The following TENM3 variants were observed in gnomAD, a reference collection of about 807,000 sequenced individuals.
TENM3 encodes the protein teneurin-3.
Under a neutral mutation model 255.1 loss-of-function variants are expected in TENM3, and 63 were observed. The ratio of observed to expected loss-of-function variants is 0.25; its 90% CI spans 0.20 to 0.30. The LOEUF (loss-of-function observed/expected upper bound fraction) is 0.30. Ranked by LOEUF, TENM3 falls within the 10% of genes least tolerant of loss-of-function variation. TENM3 has a pLI of 1.00. For missense variants in TENM3, 2,929 were observed against 3,461.1 expected, an observed-to-expected ratio of 0.85 and a Z score of 3.86; for synonymous variants, 1,306 against 1,322.3, an observed-to-expected ratio of 0.99 and a Z score of 0.27.
intron 5 of TENM3, among the ~76,000 whole-genome samples, chr4:182,647,990 T>TA (rs1022059702): frequency 6.6e-6 from 1 of 152,216 alleles, no homozygotes; most frequent in African/African-American, 2.4e-5. Flanking sequence ...CTTTCCTCCT[T>TA]AAAGTTTGCA....
chr4:181,954,808 C>T, the TENM3 span, among the ~76,000 whole-genome samples: 1 of 152,070 alleles, frequency 6.6e-6, no homozygotes, highest in African/African-American at 2.4e-5. Context: ...GTGTTCCTTC[C>T]AGAAATTATA....
At position 182,532,551 on chromosome 4, in the gene TENM3, A is replaced by G; in HGVS notation, c.512-68373A>G. Among the ~76,000 whole-genome samples, 2 of 152,204 alleles carry G rather than the reference A, an allele frequency of 1.3e-5. 1 individual carries two copies. Among genetic ancestry groups the G allele is most frequent in the East Asian group, 3.9e-4 (2 of 5,192 alleles). ...CAGTATCAGAGGCATTTTAATAAAA[A>G]ATTTTACTGAGCTTGATTAGTTGAT... On this transcript the variant is annotated intron_variant, in intron 3 of 27. Coordinates refer to ENST00000511685, the MANE Select transcript of TENM3 (RefSeq NM_001080477.4).
At chr4:181,783,315 T>C in the TENM3 span, among the ~76,000 whole-genome samples, 1 of 152,112 alleles carries the variant, frequency 6.6e-6, no homozygotes, top group East Asian at 1.9e-4. Flanking sequence ...CTGTATTGGG[T>C]GTATATATAT....
chr4:182,771,173 A>G (rs1405777751), intron 22 of TENM3, among the ~76,000 whole-genome samples: 3 of 152,242 alleles, frequency 2.0e-5, no homozygotes, highest in Non-Finnish European at 4.4e-5. Context: ...TAAGCCAATG[A>G]AAGAGCAAAG....
the TENM3 span, among the ~76,000 whole-genome samples, chr4:181,664,905 C>G: frequency 1.3e-5 from 2 of 152,282 alleles, no homozygotes; most frequent in East Asian, 3.9e-4. Flanking sequence ...TTCTTATGCT[C>G]CCTTAAGGAA....
chr4:182,760,492 A>G (rs1330047634), intron 22 of TENM3, among the ~76,000 whole-genome samples: 1 of 152,154 alleles, frequency 6.6e-6, no homozygotes, highest in Non-Finnish European at 1.5e-5. Flanking sequence ...AGAAGACAAC[A>G]TGAAAAACTA....
the TENM3 span, among the ~76,000 whole-genome samples, chr4:181,605,494 GAAAGA>G: frequency 1.2e-4 from 1 of 8,150 alleles, no homozygotes; most frequent in East Asian, 2.0e-3. Flanking sequence ...AAGAAAGAAA[GAAAGA>G]AAGAAAGAAA....
the TENM3 span, among the ~76,000 whole-genome samples, chr4:181,924,384 A>G: frequency 6.6e-6 from 1 of 152,200 alleles, no homozygotes; most frequent in Non-Finnish European, 1.5e-5. Context: ...TCCATGAAGC[A>G]TTAATTAGCT....
chr4:182,793,879 A>C lies in TENM3; in HGVS notation c.7207A>C (p.Ile2403Leu), dbSNP rs752885680. Residue 2403 changes from isoleucine to leucine, a missense_variant, in exon 26 of 28, where the codon ATC becomes CTC. Physicochemically the swap from Ile to Leu is conservative, Grantham distance 5. Transcript: ENST00000511685. The surrounding 1 kb of genome is among the most constrained non-coding windows in gnomAD (Gnocchi z 5.7). ...CAAAATCCATGACGTGAAAGATTAC[A>C]TCACAGGTAAGCATTTTGATTCCTT... is the stretch of plus-strand genomic sequence containing the variant. ...ASKIHDVKDY[I>L]TDVNSWLVTF... is the part of the protein sequence containing the mutation. 2 of 1,601,258 alleles carry C rather than the reference A, an allele frequency of 1.2e-6. No individual in the cohort carries two copies. Among genetic ancestry groups the C allele is most frequent in the African/African-American group, 1.3e-5 (1 of 74,670 alleles).
At chr4:181,526,431 T>C in the TENM3 span, among the ~76,000 whole-genome samples, 1 of 152,200 alleles carries the variant, frequency 6.6e-6, no homozygotes, top group Non-Finnish European at 1.5e-5. Context: ...TCACTGTATC[T>C]GCTTAAGTTG....
At chr4:181,587,041 C>T in the TENM3 span, among the ~76,000 whole-genome samples, 3 of 152,198 alleles carry the variant, frequency 2.0e-5, no homozygotes, top group African/African-American at 7.2e-5. Flanking sequence ...AAACTACCTT[C>T]TCCACCATTT....
At chr4:182,180,853 T>G (rs1314481691) in intron 1 of TENM3, among the ~76,000 whole-genome samples, 2 of 152,028 alleles carry the variant, frequency 1.3e-5, no homozygotes, top group Non-Finnish European at 2.9e-5. Context: ...ATTTCTTTCA[T>G]TAAAACAATT....
At chr4:182,617,695 C>G (rs1045536012) in intron 4 of TENM3, among the ~76,000 whole-genome samples, 1 of 152,170 alleles carries the variant, frequency 6.6e-6, no homozygotes, top group African/African-American at 2.4e-5. Context: ...ATCAAAACAT[C>G]TAATTTGAAG....
intron 1 of TENM3, among the ~76,000 whole-genome samples, chr4:182,308,068 A>C (rs6552549): frequency 0.3 from 45,368 of 152,176 alleles, 7,292 homozygotes; most frequent in African/African-American, 0.41. Flanking sequence ...GCCGTGGTTT[A>C]TAACTACCAC....
At chr4:182,394,100 C>A (rs1768632482) in intron 3 of TENM3, among the ~76,000 whole-genome samples, 1 of 150,296 alleles carries the variant, frequency 6.7e-6, no homozygotes, top group Middle Eastern at 3.2e-3. Context: ...TATTTCAAAA[C>A]CTACAGAGTA....
chr4:181,976,890 C>T, the TENM3 span, among the ~76,000 whole-genome samples: 29 of 152,210 alleles, frequency 1.9e-4, no homozygotes, highest in East Asian at 5.8e-4. Flanking sequence ...TTCAGAGTGA[C>T]GGAAAGAATA....
chr4:181,801,651 AATATATATATATATATAT>A, the TENM3 span, among the ~76,000 whole-genome samples: 1,581 of 80,918 alleles, frequency 0.02, 46 homozygotes, highest in Admixed American at 0.035. Flanking sequence ...AGAATTGTAA[AATATATATATATATATAT>A]ATATATATAT....
intron 14 of TENM3, 139 bp downstream of exon 14, chr4:182,729,320 C>A: frequency 1.3e-6 from 1 of 748,076 alleles, no homozygotes; most frequent in South Asian, 1.9e-5. Context: ...GCAGATTCTT[C>A]ACCAAACTTT....
intron 1 of TENM3, among the ~76,000 whole-genome samples, chr4:182,273,195 C>A (rs187437604): frequency 6.6e-6 from 1 of 152,124 alleles, no homozygotes; most frequent in African/African-American, 2.4e-5. Flanking sequence ...GGCACTATGC[C>A]CTCTCAGTCG....
Sources: allele counts gnomAD v4.1 joint callset (sites outside exome capture counted in the v4.1 genomes callset), GRCh38; gene constraint gnomAD v4.1.1; non-coding constraint Gnocchi (gnomAD v3.1); transcripts MANE v1.5; gene names NCBI Gene and HGNC (gene_info 2026-07-23, HGNC 2026-07-21).